KDELR3: variants seen among roughly 807,000 people sequenced by gnomAD.
KDELR3 encodes the protein KDEL endoplasmic reticulum protein retention receptor 3.
KDELR3 carries 26 observed loss-of-function variants against 22.7 expected under a neutral mutation model. The observed-to-expected ratio is 1.15, with a 90% CI of 0.84 to 1.59. The LOEUF is 1.59. KDELR3 is among the 40% of genes most tolerant of loss of function. The probability of loss-of-function intolerance (pLI) is 0.00; values close to 1 mark genes in which losing one functional copy is unlikely to be tolerated. For missense variants in KDELR3, 289 were observed against 251.1 expected (o/e 1.15, Z -1.02); for synonymous variants, 120 against 98.2 (o/e 1.22, Z -1.31).
intron 1 of KDELR3, among the ~76,000 whole-genome samples, chr22:38,472,503 G>C (rs1228222554): frequency 6.6e-6 from 1 of 151,752 alleles, no homozygotes; most frequent in Non-Finnish European, 1.5e-5. Context: ...AATAAAAAGT[G>C]GCCAAAGGAC....
At chr22:38,482,408 A>G in intron 4 of KDELR3, 88 bp from the exon 5 acceptor site, 1 of 1,094,116 alleles carries the variant, frequency 9.1e-7, no homozygotes, top group South Asian at 1.3e-5. Flanking sequence ...GCCGGCCATT[A>G]AGAGATGATA....
At chr22:38,480,960 T>C (rs1031240800) in intron 3 of KDELR3, among the ~76,000 whole-genome samples, 1 of 152,136 alleles carries the variant, frequency 6.6e-6, no homozygotes, top group African/African-American at 2.4e-5. Context: ...AGTAGTTTTC[T>C]ATATAAATGC....
intron 2 of KDELR3, among the ~76,000 whole-genome samples, chr22:38,475,549 T>C (rs941219475): frequency 6.6e-6 from 1 of 152,320 alleles, no homozygotes; most frequent in East Asian, 1.9e-4. Flanking sequence ...TCAGGGCATC[T>C]TCAAAGAGAT....
At chr22:38,476,828 CT>C (rs1256274094) in intron 2 of KDELR3, among the ~76,000 whole-genome samples, 3,730 of 137,784 alleles carry the variant, frequency 0.027, 153 homozygotes, top group African/African-American at 0.086. Flanking sequence ...CTGGCCCCCC[CT>C]TTTTTTTTTT....
intron 3 of KDELR3, among the ~76,000 whole-genome samples, chr22:38,480,345 T>C (rs1488995650): frequency 6.6e-6 from 1 of 152,044 alleles, no homozygotes; most frequent in Non-Finnish European, 1.5e-5. Context: ...GGTTTCACCA[T>C]GTTGGCCAGG....
chr22:38,472,316 A>G (rs1416198566), intron 1 of KDELR3, among the ~76,000 whole-genome samples: 1 of 151,968 alleles, frequency 6.6e-6, no homozygotes, highest in African/African-American at 2.4e-5. Context: ...ATCTCTACTA[A>G]AAACACAAAA....
At chr22:38,472,488 A>G (rs1288230589) in intron 1 of KDELR3, among the ~76,000 whole-genome samples, 1 of 151,928 alleles carries the variant, frequency 6.6e-6, no homozygotes, top group Non-Finnish European at 1.5e-5. Context: ...AAAAATAAAT[A>G]AATAAATAAA....
intron 1 of KDELR3, among the ~76,000 whole-genome samples, chr22:38,470,817 T>C (rs1194694189): frequency 6.6e-6 from 1 of 152,138 alleles, no homozygotes; most frequent in East Asian, 1.9e-4. Context: ...GTGGAAATGA[T>C]TGTTTTCAAA....
chr22:38,479,559 T>TA, intron 2 of KDELR3, 34 bp from the exon 3 acceptor site: 13 of 1,596,144 alleles, frequency 8.1e-6, no homozygotes, highest in Non-Finnish European at 1.1e-5. Context: ...AATGACTTCA[T>TA]AGATTCGATT....
rs375263903 is a variant in KDELR3 at position 38,481,212 on chromosome 22, A to G, written c.352A>G (p.Ile118Val). ...TCTGGTTGCTTTCTCTTTGGCTCAG[A>G]TCCTCTGGACTTTCTCTATCTATCT... ...LENYSFTLLE[I>V]LWTFSIYLES... Residue 118 changes from isoleucine to valine, a missense_variant and splice_region_variant, in exon 4 of 5, where the codon ATC becomes GTC. Ile to Val is a conservative substitution (Grantham distance 29, BLOSUM62 3). Coordinates refer to ENST00000216014, the MANE Select transcript of KDELR3 (RefSeq NM_006855.4). 2.5e-6 allele frequency: 4 copies of G among 1,612,032 alleles called. No individual in the cohort carries two copies.
chr22:38,470,857 C>T (rs563471455), intron 1 of KDELR3, among the ~76,000 whole-genome samples: 124 of 152,092 alleles, frequency 8.2e-4, no homozygotes, highest in African/African-American at 2.6e-3. Flanking sequence ...TCAAGATCAC[C>T]GGGGGGCTGG....
rs368582176 is a variant in KDELR3 at position 38,481,926 on chromosome 22, A to AAAAC, written c.604+470_604+473dup. On this transcript the variant is annotated intron_variant, in intron 4 of 4. Coordinates refer to ENST00000216014, the MANE Select transcript of KDELR3 (RefSeq NM_006855.4). Reference sequence around the variant, plus strand: ...AAAATACACTGATAGCTTATGAGCAAAAACAAACAAAAAGACACTTCATAT... The same window carrying AAAAC: ...AAAATACACTGATAGCTTATGAGCAAAAACAAACAAACAAAAAGACACTTCATAT... 5.3e-3 allele frequency among the ~76,000 whole-genome samples: 814 copies of AAAAC among 152,332 alleles called. 5 individuals carry two copies. The highest frequency in any genetic ancestry group is 0.019 in the African/African-American group (785 of 41,546).
chr22:38,475,098 A>AG (rs1264375370), intron 2 of KDELR3, among the ~76,000 whole-genome samples: 2 of 150,664 alleles, frequency 1.3e-5, no homozygotes, highest in Non-Finnish European at 3.0e-5. Flanking sequence ...AAAAAAAAAA[A>AG]AAAAAAAGAC....
chr22:38,477,901 C>A (rs762349664), intron 2 of KDELR3, among the ~76,000 whole-genome samples: 8 of 152,160 alleles, frequency 5.3e-5, no homozygotes, highest in Non-Finnish European at 8.8e-5. Flanking sequence ...CTCAAAGAGG[C>A]TAGTTTCTAC....
intron 1 of KDELR3, chr22:38,474,275 G>A (rs1253369950): frequency 5.4e-6 from 2 of 369,450 alleles, no homozygotes; most frequent in Non-Finnish European, 9.9e-6. Context: ...CTGGGAACTC[G>A]GTGTTCGTGT....
intron 2 of KDELR3, among the ~76,000 whole-genome samples, chr22:38,475,382 G>A (rs1224098640): frequency 6.6e-6 from 1 of 152,094 alleles, no homozygotes; most frequent in African/African-American, 2.4e-5. Context: ...GGAGGCTGAG[G>A]TGGGACAATC....
intron 1 of KDELR3, among the ~76,000 whole-genome samples, chr22:38,472,644 G>A (rs2089532243): frequency 6.6e-6 from 1 of 152,142 alleles, no homozygotes; most frequent in Admixed American, 6.6e-5. Flanking sequence ...CTCTACTGAT[G>A]TTGATTTCTT....
chr22:38,482,104 A>G (rs2089607577), intron 4 of KDELR3, among the ~76,000 whole-genome samples: 1 of 152,288 alleles, frequency 6.6e-6, no homozygotes, highest in South Asian at 2.1e-4. Context: ...AAAAAACCCA[A>G]TCCACTAGCT....
intron 1 of KDELR3, among the ~76,000 whole-genome samples, chr22:38,472,594 T>G (rs1569131410): frequency 6.6e-6 from 1 of 152,200 alleles, no homozygotes; most frequent in Admixed American, 6.5e-5. Flanking sequence ...GTGGGAAAAC[T>G]GGTGAAATCA....
Sources: gnomAD v4.1 joint callset for allele counts (sites outside exome capture counted in the v4.1 genomes callset) on GRCh38, gnomAD v4.1.1 for gene constraint, MANE v1.5 for transcripts, NCBI Gene and HGNC (gene_info 2026-07-23, HGNC 2026-07-21) for gene names.